GPC6: variants seen among roughly 807,000 people sequenced by gnomAD.
GPC6 encodes glypican 6.
In GPC6, 14 loss-of-function variants were observed where a neutral mutation model predicts 55.2. That is an observed-to-expected ratio of 0.25 (90% CI 0.17 to 0.40). GPC6 has a LOEUF of 0.40. Ranked by LOEUF, GPC6 falls within the 10% of genes least tolerant of loss-of-function variation. The probability of loss-of-function intolerance (pLI) is 1.00; values close to 1 mark genes in which losing one functional copy is unlikely to be tolerated. For missense variants in GPC6, 641 were observed against 708.5 expected, an observed-to-expected ratio of 0.90 and a Z score of 1.08; for synonymous variants, 278 against 259.6, an observed-to-expected ratio of 1.07 and a Z score of -0.68.
At chr13:94,300,957 A>G (rs865965406) in intron 5 of GPC6, among the ~76,000 whole-genome samples, 1 of 152,210 alleles carries the variant, frequency 6.6e-6, no homozygotes, top group South Asian at 2.1e-4. Flanking sequence ...ATGCAGTTCT[A>G]TCTGAATCAC....
intron 1 of GPC6, among the ~76,000 whole-genome samples, chr13:93,337,098 C>T (rs1566305656): frequency 6.6e-6 from 1 of 152,134 alleles, no homozygotes; most frequent in South Asian, 2.1e-4. Context: ...GTGTCCTGTT[C>T]CAGTGGCCAT....
At chr13:93,557,747 A>G (rs1875558527) in intron 2 of GPC6, among the ~76,000 whole-genome samples, 2 of 152,226 alleles carry the variant, frequency 1.3e-5, no homozygotes, top group Admixed American at 6.5e-5. Context: ...TAGAACTCCA[A>G]AACGTATTCT....
intron 4 of GPC6, among the ~76,000 whole-genome samples, chr13:94,280,775 A>T (rs542641565): frequency 8.5e-5 from 13 of 152,268 alleles, no homozygotes; most frequent in Non-Finnish European, 1.8e-4. Flanking sequence ...GTAGGTGAGC[A>T]TTGCTTCTAA....
At chr13:94,120,524 G>A (rs564907358) in intron 4 of GPC6, among the ~76,000 whole-genome samples, 2 of 150,676 alleles carry the variant, frequency 1.3e-5, no homozygotes, top group African/African-American at 4.9e-5. Context: ...AATACATATG[G>A]TTTCTTTTTT....
chr13:94,172,742 A>G (rs528037216), intron 4 of GPC6, among the ~76,000 whole-genome samples: 1 of 152,302 alleles, frequency 6.6e-6, no homozygotes, highest in East Asian at 1.9e-4. Flanking sequence ...ACTTATGTAC[A>G]CTCTTACATA....
chr13:94,148,995 C>G lies in GPC6; in HGVS notation c.877+121101C>G, dbSNP rs1887649593. 2.0e-5 allele frequency among the ~76,000 whole-genome samples: 3 copies of G among 152,116 alleles called. No homozygotes were observed. The South Asian group carries it at 6.2e-4, about 31-fold the overall frequency. Reference sequence around the variant, plus strand: ...ACAAAAATTGAGTAAACAGAAATTTCACTACTTCTAACCATTCAGTTTATG... The same window carrying G: ...ACAAAAATTGAGTAAACAGAAATTTGACTACTTCTAACCATTCAGTTTATG... On this transcript the variant is annotated intron_variant, in intron 4 of 8. Coordinates refer to ENST00000377047, the MANE Select transcript of GPC6 (RefSeq NM_005708.5).
At chr13:93,851,289 C>T (rs925450386) in intron 3 of GPC6, among the ~76,000 whole-genome samples, 5 of 151,890 alleles carry the variant, frequency 3.3e-5, no homozygotes, top group Non-Finnish European at 7.4e-5. Context: ...AATTTTGGCA[C>T]TCATGATCTA....
intron 4 of GPC6, among the ~76,000 whole-genome samples, chr13:94,122,051 A>C (rs1427541880): frequency 2.6e-5 from 4 of 152,116 alleles, no homozygotes; most frequent in African/African-American, 9.7e-5. Context: ...GGCACCCTAA[A>C]AGATAGACTA....
At chr13:93,885,739 G>A (rs1050172136) in intron 3 of GPC6, among the ~76,000 whole-genome samples, 1 of 152,090 alleles carries the variant, frequency 6.6e-6, no homozygotes, top group Non-Finnish European at 1.5e-5. Context: ...CACTGAGTTT[G>A]GTTTAAGACA....
intron 1 of GPC6, among the ~76,000 whole-genome samples, chr13:93,324,546 A>G (rs201528334): frequency 3.3e-3 from 270 of 81,480 alleles, no homozygotes; most frequent in East Asian, 0.024. Flanking sequence ...GTATGTGTGT[A>G]TATATATATA....
chr13:93,334,171 A>T (rs956813648), intron 1 of GPC6, among the ~76,000 whole-genome samples: 1 of 152,110 alleles, frequency 6.6e-6, no homozygotes, highest in African/African-American at 2.4e-5. Flanking sequence ...CCTGCTCTGT[A>T]ATAAAGTTTT....
chr13:94,160,821 A>G lies in GPC6; in HGVS notation c.878-125528A>G, dbSNP rs542955036. On this transcript the variant is annotated intron_variant, in intron 4 of 8. Coordinates refer to ENST00000377047, the MANE Select transcript of GPC6 (RefSeq NM_005708.5). Reference sequence around the variant, plus strand: ...AAAACAAATTTGTCAATTATTTTTTAATTTTGGAACACTGATTCAAAGTTT... The same window carrying G: ...AAAACAAATTTGTCAATTATTTTTTGATTTTGGAACACTGATTCAAAGTTT... Among the ~76,000 whole-genome samples, 7 of 152,306 alleles carry G rather than the reference A, an allele frequency of 4.6e-5. No individual in the cohort carries two copies. The South Asian group carries it at 1.4e-3, about 32-fold the overall frequency.
intron 1 of GPC6, among the ~76,000 whole-genome samples, chr13:93,434,418 T>C (rs1028484542): frequency 6.6e-6 from 1 of 152,050 alleles, no homozygotes; most frequent in Non-Finnish European, 1.5e-5. Flanking sequence ...GGATAAAACA[T>C]TGTCTCCCCC....
chr13:94,121,410 A>T (rs1242495783), intron 4 of GPC6, among the ~76,000 whole-genome samples: 1 of 152,114 alleles, frequency 6.6e-6, no homozygotes, highest in Non-Finnish European at 1.5e-5. Flanking sequence ...CAGTTTTTAT[A>T]ATGTCACATC....
intron 3 of GPC6, chr13:93,830,787 C>A: frequency 2.0e-6 from 1 of 502,482 alleles, no homozygotes; most frequent in Non-Finnish European, 3.5e-6. Flanking sequence ...TAATACTTAT[C>A]AGCAGTATAG....
chr13:93,961,424 G>A (rs1879769497), intron 3 of GPC6, among the ~76,000 whole-genome samples: 1 of 152,158 alleles, frequency 6.6e-6, no homozygotes, highest in African/African-American at 2.4e-5. Flanking sequence ...GGCTTTACAT[G>A]AAAAATCAGT....
intron 3 of GPC6, among the ~76,000 whole-genome samples, chr13:93,876,677 T>C (rs1467841471): frequency 6.6e-6 from 1 of 152,118 alleles, no homozygotes; most frequent in Non-Finnish European, 1.5e-5. Flanking sequence ...GTCCAACCCA[T>C]TTATTTCCTT....
chr13:93,403,937 A>G (rs1442657560), intron 1 of GPC6, among the ~76,000 whole-genome samples: 1 of 152,126 alleles, frequency 6.6e-6, no homozygotes, highest in Non-Finnish European at 1.5e-5. Flanking sequence ...ATTTTGATTT[A>G]TTATAGAATA....
At chr13:94,022,495 AC>A (rs1422678707) in intron 3 of GPC6, among the ~76,000 whole-genome samples, 1 of 152,012 alleles carries the variant, frequency 6.6e-6, no homozygotes, top group African/African-American at 2.4e-5. Context: ...CATGATGCAC[AC>A]CTGTGTTATT....
Sources: allele counts gnomAD v4.1 joint callset (sites outside exome capture counted in the v4.1 genomes callset), GRCh38; gene constraint gnomAD v4.1.1; transcripts MANE v1.5; gene names NCBI Gene and HGNC (gene_info 2026-07-23, HGNC 2026-07-21).